CACNA2D3: variants seen among roughly 807,000 people sequenced by gnomAD.
CACNA2D3 encodes the protein voltage-dependent calcium channel subunit alpha-2/delta-3.
In CACNA2D3, 60 loss-of-function variants were observed where a neutral mutation model predicts 160.6. That is an observed-to-expected ratio of 0.37 (90% CI 0.30 to 0.46). The LOEUF is 0.46. Among genes scored for constraint, CACNA2D3 ranks in the 20% least tolerant of loss-of-function variants. CACNA2D3 has a pLI of 1.00. For missense variants in CACNA2D3, 1,205 were observed against 1,365.0 expected, an observed-to-expected ratio of 0.88 and a Z score of 1.85; for synonymous variants, 558 against 492.9, an observed-to-expected ratio of 1.13 and a Z score of -1.75.
chr3:54,814,746 A>T (rs1044589964), intron 13 of CACNA2D3, among the ~76,000 whole-genome samples: 1 of 152,186 alleles, frequency 6.6e-6, no homozygotes, highest in Non-Finnish European at 1.5e-5. Flanking sequence ...TTTCCTTCCC[A>T]GGATTTCTTC....
In CACNA2D3 at chr3:54,734,889, G is replaced by C. The variant is rs374102865; in HGVS notation, c.1168-17710G>C. On this transcript the variant is annotated intron_variant, in intron 11 of 37. Coordinates refer to ENST00000474759, the MANE Select transcript of CACNA2D3 (RefSeq NM_018398.3). ...ATGCATTATGGAAGTTCGGTGATGG[G>C]GATTAGCATCCAGAAAAGACTATCA... Among the ~76,000 whole-genome samples the C allele has an allele frequency of 1.8e-4, 27 of 152,282 alleles. No individual in the cohort carries two copies. In the East Asian group the frequency reaches 4.1e-3, roughly 23 times the overall value.
chr3:54,548,211 T>G (rs909499364), intron 5 of CACNA2D3, among the ~76,000 whole-genome samples: 25 of 152,340 alleles, frequency 1.6e-4, no homozygotes, highest in Non-Finnish European at 1.2e-4. Flanking sequence ...GCCCAACACC[T>G]GTGTGATTAC....
At chr3:54,838,389 T>C (rs1479900860) in intron 15 of CACNA2D3, among the ~76,000 whole-genome samples, 179 bp from the exon 16 acceptor site, 1 of 152,156 alleles carries the variant, frequency 6.6e-6, no homozygotes, top group African/African-American at 2.4e-5. Context: ...TTTTACCCAG[T>C]AACATTTTGG....
intron 10 of CACNA2D3, among the ~76,000 whole-genome samples, chr3:54,640,088 G>T (rs1332441964): frequency 6.6e-6 from 1 of 152,158 alleles, no homozygotes. Flanking sequence ...CATCAGTTAA[G>T]GTGGGGCAGG....
intron 5 of CACNA2D3, among the ~76,000 whole-genome samples, chr3:54,508,511 T>C (rs1701408191): frequency 6.6e-6 from 1 of 152,172 alleles, no homozygotes; most frequent in Non-Finnish European, 1.5e-5. Context: ...CAGCACATGG[T>C]AGATGCTCAA....
At chr3:54,806,417 A>G (rs1302663132) in intron 13 of CACNA2D3, among the ~76,000 whole-genome samples, 1 of 152,230 alleles carries the variant, frequency 6.6e-6, no homozygotes, top group Non-Finnish European at 1.5e-5. Context: ...TAGCGGACAA[A>G]CAGAGAACCA....
At chr3:54,842,881 C>T (rs568193091) in intron 16 of CACNA2D3, among the ~76,000 whole-genome samples, 77 of 151,828 alleles carry the variant, frequency 5.1e-4, no homozygotes, top group African/African-American at 1.7e-3. Context: ...GATTACAGGC[C>T]TGAGCCACTG....
intron 27 of CACNA2D3, among the ~76,000 whole-genome samples, chr3:54,947,313 G>A (rs992625563): frequency 6.6e-6 from 1 of 152,144 alleles, no homozygotes; most frequent in Non-Finnish European, 1.5e-5. Context: ...GAAAAGGGTG[G>A]AATAATCTTC....
intron 35 of CACNA2D3, among the ~76,000 whole-genome samples, chr3:55,070,280 G>A (rs1444004872): frequency 1.3e-5 from 2 of 152,186 alleles, no homozygotes; most frequent in African/African-American, 4.8e-5. Context: ...CTACAGCCTT[G>A]TTGGAATACA....
At chr3:54,683,732 G>C (rs538453541) in intron 11 of CACNA2D3, among the ~76,000 whole-genome samples, 2 of 152,142 alleles carry the variant, frequency 1.3e-5, no homozygotes, top group African/African-American at 4.8e-5. Flanking sequence ...TAAAACAATA[G>C]ACATTTATTC....
intron 14 of CACNA2D3, among the ~76,000 whole-genome samples, chr3:54,831,141 G>C (rs966121136): frequency 6.6e-6 from 1 of 152,170 alleles, no homozygotes; most frequent in Admixed American, 6.5e-5. Flanking sequence ...TTCTTGACTT[G>C]GAGCCAGTCC....
intron 27 of CACNA2D3, among the ~76,000 whole-genome samples, chr3:54,916,406 G>A (rs2106917508): frequency 6.6e-6 from 1 of 152,332 alleles, no homozygotes; most frequent in Admixed American, 6.5e-5. Context: ...GGCCCATGGA[G>A]AGGAGGTGCC....
At chr3:54,392,042 T>C (rs1699291167) in intron 4 of CACNA2D3, among the ~76,000 whole-genome samples, 1 of 152,232 alleles carries the variant, frequency 6.6e-6, no homozygotes, top group Admixed American at 6.5e-5. Flanking sequence ...TCTTAAAAGA[T>C]TGATAGTTCC....
At chr3:54,606,889 G>A (rs1334936003) in intron 9 of CACNA2D3, among the ~76,000 whole-genome samples, 4 of 152,118 alleles carry the variant, frequency 2.6e-5, no homozygotes, top group African/African-American at 9.7e-5. Flanking sequence ...TCAGCAAAAT[G>A]CACCTATCTC....
At chr3:54,293,676 T>C (rs1366109427) in intron 2 of CACNA2D3, among the ~76,000 whole-genome samples, 2 of 152,166 alleles carry the variant, frequency 1.3e-5, no homozygotes, top group Non-Finnish European at 2.9e-5. Context: ...GAATGCATCA[T>C]ACTGAGTGAA....
intron 13 of CACNA2D3, among the ~76,000 whole-genome samples, chr3:54,776,601 G>C (rs899860231): frequency 6.6e-6 from 1 of 152,178 alleles, no homozygotes; most frequent in South Asian, 2.1e-4. Flanking sequence ...TGGATAGGAG[G>C]AAATGCCTAG....
At chr3:54,769,494 T>C (rs4353779) in intron 13 of CACNA2D3, among the ~76,000 whole-genome samples, 37,593 of 152,098 alleles carry the variant, frequency 0.25, 5,560 homozygotes, top group East Asian at 0.45. Context: ...CAGGTTTGAA[T>C]TGCATGCCTA....
intron 35 of CACNA2D3, among the ~76,000 whole-genome samples, chr3:55,023,885 G>C (rs1316462470): frequency 6.6e-6 from 1 of 150,660 alleles, no homozygotes; most frequent in African/African-American, 2.4e-5. Flanking sequence ...GAGAGTGCCA[G>C]ATTATCCATT....
chr3:55,065,877 A>G (rs1201426952), intron 35 of CACNA2D3, among the ~76,000 whole-genome samples: 2 of 152,240 alleles, frequency 1.3e-5, no homozygotes, highest in Non-Finnish European at 2.9e-5. Context: ...TTGCTTTTTC[A>G]ATGTCCTGCT....
Sources: gnomAD v4.1 joint callset for allele counts (sites outside exome capture counted in the v4.1 genomes callset) on GRCh38, gnomAD v4.1.1 for gene constraint, MANE v1.5 for transcripts, NCBI Gene and HGNC (gene_info 2026-07-23, HGNC 2026-07-21) for gene names.